The following PELP1 variants were observed in gnomAD, a reference collection of about 807,000 sequenced individuals.
PELP1 encodes the protein proline, glutamate and leucine rich protein 1, also known as proline-, glutamic acid- and leucine-rich protein 1.
PELP1 carries 32 observed loss-of-function variants against 95.5 expected under a neutral mutation model. The ratio of observed to expected loss-of-function variants is 0.34; its 90% CI spans 0.25 to 0.45. The LOEUF is 0.45. Among genes scored for constraint, PELP1 ranks in the 20% least tolerant of loss-of-function variants. PELP1 has a pLI of 1.00. For missense variants in PELP1, 1,358 were observed against 1,444.8 expected (o/e 0.94, Z 0.97); for synonymous variants, 668 against 600.1 (o/e 1.11, Z -1.65).
Position 4,672,614 on chromosome 17 carries a change from C to G in PELP1, c.2377G>C (p.Glu793Gln), listed in dbSNP as rs765312356. The G allele has an allele frequency of 5.0e-5, 81 of 1,608,306 alleles. No individual in the cohort carries two copies. Among genetic ancestry groups the G allele is most frequent in the Non-Finnish European group, 3.5e-5 (41 of 1,176,668 alleles). The change falls in exon 16 of 17, where the codon GAG becomes CAG. Residue 793 changes from glutamate (E) to glutamine (Q), a missense_variant. By Grantham distance (29) the Glu-to-Gln change is conservative. This residue lies in a region of PELP1 where 340 missense variants were observed against 322.9 expected (regional missense o/e 1.05). Coordinates refer to ENST00000572293, the MANE Select transcript of PELP1 (RefSeq NM_014389.3). ...GGGGGTGGCAGGGGGGGAAGCCCCTCGGGCACGATCACCACGCTGTCATCA... is the reference window on the plus strand; with the variant it reads ...GGGGGTGGCAGGGGGGGAAGCCCCTGGGGCACGATCACCACGCTGTCATCA... ...DSDDSVVIVP[E>Q]GLPPLPPPPP...
chr17:4,678,018 A>C (rs1007008234), intron 5 of PELP1, among the ~76,000 whole-genome samples: 1 of 152,076 alleles, frequency 6.6e-6, no homozygotes, highest in Non-Finnish European at 1.5e-5. Flanking sequence ...GTTCAAGACC[A>C]GCCTGGCCAA....
Position 4,675,154 on chromosome 17 carries a change from C to A in PELP1, c.1199G>T (p.Arg400Leu). The change falls in exon 11 of 17, where the codon CGC becomes CTC. Residue 400 changes from arginine (R) to leucine (L), a missense_variant. This residue lies in a region of PELP1 where 538 missense variants were observed against 628.1 expected (regional missense o/e 0.86). Coordinates refer to ENST00000572293, the MANE Select transcript of PELP1 (RefSeq NM_014389.3). The surrounding 1 kb of genome is among the most constrained non-coding windows in gnomAD (Gnocchi z 4.3). ...GGAATTGAGGACCTGGGGAAGCAGG[C>A]GGCCGATCAGGATCCCAAAGCGCAA... ...RLLRFGILIG[R>L]LLPQVLNSWS... 6.2e-7 allele frequency: 1 copy of A among 1,613,864 alleles called. No homozygotes were observed. The highest frequency in any genetic ancestry group is 8.5e-7 in the Non-Finnish European group (1 of 1,179,852).
At chr17:4,701,547 A>C (rs1029763638) in intron 1 of PELP1, among the ~76,000 whole-genome samples, 2 of 152,232 alleles carry the variant, frequency 1.3e-5, no homozygotes, top group African/African-American at 4.8e-5. Flanking sequence ...AATATACTCC[A>C]AGCTAGATAT....
In PELP1 at chr17:4,674,655, C is replaced by A. The variant is rs8081507; in HGVS notation, c.1437G>T (p.Arg479=). 82,058 of 1,597,928 alleles carry A rather than the reference C, an allele frequency of 0.051. 2,385 individuals are homozygous for A. Among genetic ancestry groups the A allele is most frequent in the Middle Eastern group, 0.13 (792 of 5,962 alleles). Residue 479 remains arginine, a synonymous_variant, in exon 13 of 17, where the codon CGG becomes CGT. Coordinates refer to ENST00000572293, the MANE Select transcript of PELP1 (RefSeq NM_014389.3). ...PADALKLRSP[R]GSPDGSLQTG... ...TCTGCAAACTCCCATCAGGGCTCCC[C>A]CGCGGGCTACGCAGCTGGAGGCAGA...
At chr17:4,691,247 A>G (rs544629776) in intron 2 of PELP1, 131 bp downstream of exon 2, 1 of 730,378 alleles carries the variant, frequency 1.4e-6, no homozygotes, top group East Asian at 2.5e-5. Flanking sequence ...AAAGGAATGT[A>G]ACTCTCCACA....
chr17:4,686,267 A>C (rs950871036), intron 3 of PELP1, among the ~76,000 whole-genome samples: 2 of 152,162 alleles, frequency 1.3e-5, no homozygotes, highest in Non-Finnish European at 2.9e-5. Context: ...CCTGTCTTCC[A>C]GTGTTCAGGA....
At chr17:4,679,989 A>G (rs1749503354) in intron 5 of PELP1, among the ~76,000 whole-genome samples, 1 of 152,214 alleles carries the variant, frequency 6.6e-6, no homozygotes, top group Non-Finnish European at 1.5e-5. Context: ...TTCCCAGGCC[A>G]GCGAGCTACA....
chr17:4,702,025 A>G (rs1051291866), intron 1 of PELP1, among the ~76,000 whole-genome samples: 3 of 152,246 alleles, frequency 2.0e-5, no homozygotes, highest in Admixed American at 6.5e-5. Flanking sequence ...AAGTTCATGT[A>G]GTTGACTTTG....
chr17:4,701,518 G>T (rs922715872), intron 1 of PELP1, among the ~76,000 whole-genome samples: 1 of 152,194 alleles, frequency 6.6e-6, no homozygotes, highest in African/African-American at 2.4e-5. Context: ...AAGGAGACCC[G>T]TTAGAAGATT....
intron 1 of PELP1, 33 bp downstream of exon 1, chr17:4,703,830 A>C: frequency 6.3e-7 from 1 of 1,580,360 alleles, no homozygotes; most frequent in Non-Finnish European, 8.6e-7. Flanking sequence ...CATCCTCCCC[A>C]CAGGGCCGCG....
Position 4,672,717 on chromosome 17 carries a change from C to T in PELP1, c.2274G>A (p.Gly758=), listed in dbSNP as rs769103791. ...PTIPPDETFG[G]RVPRPAFVHY... The stretch of plus-strand genomic sequence containing the variant: ...GGACAAAGGCTGGTCTGGGCACTCT[C>T]CCCCCAAAAGTTTCATCTGGGGGTA... The change falls in exon 16 of 17, where the codon GGG becomes GGA. Residue 758 remains glycine (G), a synonymous_variant. Coordinates refer to ENST00000572293, the MANE Select transcript of PELP1 (RefSeq NM_014389.3). 4 of 1,612,924 alleles carry T rather than the reference C, an allele frequency of 2.5e-6. No homozygotes were observed. Among genetic ancestry groups the T allele is most frequent in the African/African-American group, 1.3e-5 (1 of 74,916 alleles).
chr17:4,675,251 A>G lies in PELP1; in HGVS notation c.1157+23T>C, dbSNP rs1004192156. 1.5e-5 allele frequency: 24 copies of G among 1,591,596 alleles called. No individual in the cohort carries two copies. Among genetic ancestry groups the G allele is most frequent in the Non-Finnish European group, 2.0e-5 (23 of 1,169,410 alleles). On this transcript the variant is annotated intron_variant, in intron 10 of 16. Coordinates refer to ENST00000572293, the MANE Select transcript of PELP1 (RefSeq NM_014389.3). This position sits in a 1 kb window ranked among gnomAD's most constrained non-coding sequence, Gnocchi z 4.3. Reference sequence around the variant, plus strand: ...TTCTGGCACGCCCTATCCCTTCACCACAGCCAGCCCAATCCCACTCACGCG... The same window carrying G: ...TTCTGGCACGCCCTATCCCTTCACCGCAGCCAGCCCAATCCCACTCACGCG...
intron 5 of PELP1, among the ~76,000 whole-genome samples, chr17:4,678,494 C>T (rs11870062): frequency 6.6e-6 from 1 of 152,116 alleles, no homozygotes; most frequent in East Asian, 1.9e-4. Context: ...AAAAGCTGGA[C>T]TGAAGCCAAC....
intron 5 of PELP1, among the ~76,000 whole-genome samples, chr17:4,678,688 C>A (rs946550302): frequency 6.6e-6 from 1 of 152,170 alleles, no homozygotes; most frequent in African/African-American, 2.4e-5. Context: ...AGTCTTCCCA[C>A]CCATTCCGAG....
intron 1 of PELP1, among the ~76,000 whole-genome samples, chr17:4,696,334 A>G (rs1387867859): frequency 6.6e-6 from 1 of 152,186 alleles, no homozygotes; most frequent in Non-Finnish European, 1.5e-5. Flanking sequence ...TCCTGTCTCA[A>G]AAAAGAAAAA....
intron 3 of PELP1, among the ~76,000 whole-genome samples, chr17:4,689,511 G>A (rs1913018506): frequency 6.6e-6 from 1 of 152,154 alleles, no homozygotes; most frequent in African/African-American, 2.4e-5. Flanking sequence ...AGTGAGCTAA[G>A]GACATGAACA....
chr17:4,682,334 C>T (rs191003287), intron 5 of PELP1, among the ~76,000 whole-genome samples, 168 bp downstream of exon 5: 60 of 152,198 alleles, frequency 3.9e-4, no homozygotes, highest in African/African-American at 1.3e-3. Flanking sequence ...TTTGGAAAAA[C>T]GAGGGTTAAA....
chr17:4,698,815 T>C (rs1200206782), intron 1 of PELP1, among the ~76,000 whole-genome samples: 1 of 152,154 alleles, frequency 6.6e-6, no homozygotes, highest in African/African-American at 2.4e-5. Context: ...AAATAATTTA[T>C]TGTACCAATA....
intron 1 of PELP1, among the ~76,000 whole-genome samples, chr17:4,699,966 G>A (rs928261311): frequency 3.6e-5 from 5 of 138,736 alleles, no homozygotes; most frequent in Admixed American, 7.7e-5. Context: ...GCAGAGGCGC[G>A]ATCTCGGCTC....
Sources: allele counts gnomAD v4.1 joint callset (sites outside exome capture counted in the v4.1 genomes callset), GRCh38; gene constraint gnomAD v4.1.1; regional missense constraint gnomAD v4.1.1; non-coding constraint Gnocchi (gnomAD v3.1); transcripts MANE v1.5; gene names NCBI Gene and HGNC (gene_info 2026-07-23, HGNC 2026-07-21).